Variants in SYT1 observed in about 807,000 individuals in gnomAD.
SYT1 encodes the protein synaptotagmin 1, also known as synaptotagmin-1.
SYT1 carries 8 observed loss-of-function variants against 44.8 expected under a neutral mutation model. The ratio of observed to expected loss-of-function variants is 0.18; its 90% CI spans 0.10 to 0.32. The LOEUF (loss-of-function observed/expected upper bound fraction) is 0.32, where lower values mean the gene tolerates loss of function less well. Ranked by LOEUF, SYT1 falls within the 10% of genes least tolerant of loss-of-function variation. SYT1 has a pLI of 1.00. For missense variants in SYT1, 286 were observed against 509.3 expected, an observed-to-expected ratio of 0.56 and a Z score of 4.22; for synonymous variants, 154 against 188.8, an observed-to-expected ratio of 0.82 and a Z score of 1.51.
At chr12:79,400,691 G>A (rs184248646) in intron 9 of SYT1, among the ~76,000 whole-genome samples, 4 of 152,314 alleles carry the variant, frequency 2.6e-5, no homozygotes, top group East Asian at 1.9e-4. Context: ...ATGAGACCAC[G>A]CCATGTCTGA....
At chr12:78,920,846 A>G (rs1451097678) in intron 1 of SYT1, among the ~76,000 whole-genome samples, 1 of 151,948 alleles carries the variant, frequency 6.6e-6, no homozygotes, top group Admixed American at 6.6e-5. Flanking sequence ...AGTGATTTGC[A>G]AATCAAAGAT....
At chr12:79,064,337 A>C (rs1444115361) in intron 3 of SYT1, among the ~76,000 whole-genome samples, 1 of 152,210 alleles carries the variant, frequency 6.6e-6, no homozygotes, top group East Asian at 1.9e-4. Context: ...ATAGTATTTC[A>C]CATAATATCT....
intron 1 of SYT1, among the ~76,000 whole-genome samples, chr12:78,884,419 T>A (rs1421588227): frequency 2.6e-5 from 4 of 151,608 alleles, no homozygotes; most frequent in Non-Finnish European, 4.4e-5. Flanking sequence ...TAATTTAGTT[T>A]TTTTCTAGTA....
rs1352409550 is a variant in SYT1, at chr12:78,934,168, A to G, written c.-216-43631A>G. ...TGTGTATGTGCGTGTGTACACACAC[A>G]CACATACACACACACACACACACCA... is the stretch of plus-strand genomic sequence containing the variant. On this transcript the variant is annotated intron_variant, in intron 1 of 10. Coordinates refer to ENST00000261205, the MANE Select transcript of SYT1 (RefSeq NM_005639.3). Among the ~76,000 whole-genome samples the G allele has an allele frequency of 3.4e-5, 5 of 148,282 alleles. No homozygotes were observed. In the South Asian group the frequency reaches 6.5e-4, roughly 19 times the overall value.
chr12:79,417,322 T>C (rs888481915), intron 9 of SYT1, among the ~76,000 whole-genome samples: 1 of 152,162 alleles, frequency 6.6e-6, no homozygotes, highest in African/African-American at 2.4e-5. Context: ...TAAAAGGATT[T>C]TTAAGGAAAT....
In SYT1 at chr12:79,152,994, A is replaced by C. The variant is rs892378976; in HGVS notation, c.-17-64509A>C. On this transcript the variant is annotated intron_variant, in intron 3 of 10. Coordinates refer to ENST00000261205, the MANE Select transcript of SYT1 (RefSeq NM_005639.3). Reference sequence around the variant, plus strand: ...TATTACCCTTCTCATTATATATAAGAATATTCAAGACCCTTTAATTTAAGG... The same window carrying C: ...TATTACCCTTCTCATTATATATAAGCATATTCAAGACCCTTTAATTTAAGG... Among the ~76,000 whole-genome samples, 4 of 152,118 alleles carry C rather than the reference A, an allele frequency of 2.6e-5. No homozygotes were observed. The East Asian group carries it at 7.7e-4, about 29-fold the overall frequency.
At position 79,178,951 on chromosome 12, in the gene SYT1, TATAG is replaced by T. The variant is rs1213696405; in HGVS notation, c.-17-38548_-17-38545del. Among the ~76,000 whole-genome samples, 7 of 72,064 alleles carry T rather than the reference TATAG, an allele frequency of 9.7e-5. 1 individual carries two copies. The highest frequency in any genetic ancestry group is 1.6e-4 in the Admixed American group (1 of 6,312). 47.3% of individuals were successfully genotyped at this position (72,064 alleles called of 152,430 possible). ...ATATCTATATAGATATAGATATAGATATAGATATAGATATAGATATATAGATATA... is the reference window on the plus strand; with the variant it reads ...ATATCTATATAGATATAGATATAGATATATAGATATAGATATATAGATATA... On this transcript the variant is annotated intron_variant, in intron 3 of 10. Transcript: ENST00000261205.
intron 2 of SYT1, among the ~76,000 whole-genome samples, chr12:79,026,667 T>TTTTATATA (rs1298013189): frequency 5.9e-5 from 6 of 102,256 alleles, no homozygotes; most frequent in Admixed American, 1.1e-4. Context: ...CATATATATT[T>TTTTATATA]TATATATATA....
intron 3 of SYT1, among the ~76,000 whole-genome samples, chr12:79,142,001 C>A (rs995822628): frequency 6.6e-6 from 1 of 152,146 alleles, no homozygotes; most frequent in Non-Finnish European, 1.5e-5. Context: ...TTGGGGAATG[C>A]CCTTGAATGT....
At chr12:79,196,448 G>A (rs895078401) in intron 3 of SYT1, among the ~76,000 whole-genome samples, 5 of 152,144 alleles carry the variant, frequency 3.3e-5, no homozygotes, top group African/African-American at 1.2e-4. Flanking sequence ...TTACAGGCAT[G>A]AGCCATCGCA....
At chr12:79,234,038 T>C (rs954019179) in intron 4 of SYT1, among the ~76,000 whole-genome samples, 13 of 152,174 alleles carry the variant, frequency 8.5e-5, no homozygotes, top group Non-Finnish European at 1.5e-5. Context: ...ATTGAAAATC[T>C]CGTCTCCCTT....
intron 3 of SYT1, among the ~76,000 whole-genome samples, chr12:79,123,466 C>T (rs1195041264): frequency 6.6e-6 from 1 of 152,060 alleles, no homozygotes; most frequent in African/African-American, 2.4e-5. Context: ...GTACTAACAT[C>T]ATCTCCATTC....
intron 7 of SYT1, among the ~76,000 whole-genome samples, chr12:79,297,268 T>A (rs1273814271): frequency 6.6e-6 from 1 of 152,170 alleles, no homozygotes; most frequent in African/African-American, 2.4e-5. Context: ...GCAGTGAATT[T>A]AAAGTAGCAG....
chr12:79,194,137 G>A (rs1873297417), intron 3 of SYT1, among the ~76,000 whole-genome samples: 1 of 151,958 alleles, frequency 6.6e-6, no homozygotes, highest in East Asian at 1.9e-4. Context: ...TTGCAAATAG[G>A]CCTACTATAA....
chr12:79,354,003 T>C (rs1171567587), intron 9 of SYT1, among the ~76,000 whole-genome samples: 1 of 152,238 alleles, frequency 6.6e-6, no homozygotes, highest in Non-Finnish European at 1.5e-5. Flanking sequence ...TCCATGAGAC[T>C]TATTTATTAG....
intron 4 of SYT1, among the ~76,000 whole-genome samples, chr12:79,233,247 T>A (rs186420438): frequency 3.9e-5 from 6 of 152,320 alleles, no homozygotes; most frequent in African/African-American, 1.4e-4. Flanking sequence ...TCTTTTTGTT[T>A]TAAAAATAAC....
At chr12:79,021,589 A>T (rs757345232) in intron 2 of SYT1, among the ~76,000 whole-genome samples, 2 of 151,898 alleles carry the variant, frequency 1.3e-5, no homozygotes, top group Admixed American at 6.6e-5. Flanking sequence ...TTATAAAAAA[A>T]GAACCATAGC....
intron 3 of SYT1, among the ~76,000 whole-genome samples, chr12:79,213,949 C>T (rs1016380005): frequency 1.3e-5 from 2 of 152,080 alleles, no homozygotes; most frequent in Non-Finnish European, 1.5e-5. Flanking sequence ...AAAATGAAGT[C>T]ATCACATTAG....
chr12:78,925,900 A>G (rs1453858516), intron 1 of SYT1, among the ~76,000 whole-genome samples: 2 of 152,052 alleles, frequency 1.3e-5, no homozygotes, highest in Non-Finnish European at 2.9e-5. Flanking sequence ...AATCTTTCTC[A>G]CAATTAATCA....
Sources: allele counts gnomAD v4.1 joint callset (sites outside exome capture counted in the v4.1 genomes callset), GRCh38; gene constraint gnomAD v4.1.1; transcripts MANE v1.5; gene names NCBI Gene and HGNC (gene_info 2026-07-23, HGNC 2026-07-21).